SOX5: variants seen among roughly 807,000 people sequenced by gnomAD.
SOX5 encodes the protein SRY-box transcription factor 5, also known as transcription factor SOX-5.
In SOX5, 9 loss-of-function variants were observed where a neutral mutation model predicts 92.0. The ratio of observed to expected loss-of-function variants is 0.10; its 90% confidence interval spans 0.06 to 0.17. SOX5 has a LOEUF of 0.17. Among genes scored for constraint, SOX5 ranks in the 10% least tolerant of loss-of-function variants. SOX5 has a pLI of 1.00. For synonymous variants in SOX5, 344 were observed against 336.3 expected, an observed-to-expected ratio of 1.02 and a Z score of -0.25; for missense variants, 642 against 944.5, an observed-to-expected ratio of 0.68 and a Z score of 4.20.
In SOX5 at chr12:24,017,199, T is replaced by G. The variant is rs992668277; in HGVS notation, c.-1-121175A>C. On this transcript the variant is annotated intron_variant, in intron 4 of 4. Coordinates refer to the SOX5 transcript ENST00000446891. ...AAAGGCACCAACGCATATAAGGTCC[T>G]CTTTATCCCTGTGCATTTCTTTCTC... 2.0e-5 allele frequency among the ~76,000 whole-genome samples: 3 copies of G among 152,322 alleles called. No homozygotes were observed. The East Asian group carries it at 5.8e-4, about 29-fold the overall frequency.
At position 23,530,823 on chromosome 12, in the gene SOX5, G is replaced by GCGCGCGCGCA. The variant is rs1938872189; in HGVS notation, c.*3395_*3396insTGCGCGCGCG. On this transcript the variant is annotated 3_prime_UTR_variant, in exon 15 of 15. Coordinates refer to ENST00000451604, the MANE Select transcript of SOX5 (RefSeq NM_006940.6). ...AGTGTGTGTGTGTGTGTGTGTGCGC[G>GCGCGCGCGCA]CGCGCGCGCGCGCATGTGAGAGAGA... 7.2e-6 allele frequency: 1 copy of GCGCGCGCGCA among 139,254 alleles called. No individual in the cohort carries two copies. The highest frequency in any genetic ancestry group is 7.1e-5 in the Admixed American group (1 of 13,994). 8.6% of individuals were successfully genotyped at this position (139,254 alleles called of 1,614,324 possible).
chr12:23,776,981 C>T (rs923796867), intron 3 of SOX5, among the ~76,000 whole-genome samples: 1 of 152,116 alleles, frequency 6.6e-6, no homozygotes, highest in African/African-American at 2.4e-5. Context: ...TTTTATAGCA[C>T]TTGTCACTAA....
chr12:23,623,037 T>C (rs2077364360), intron 8 of SOX5, among the ~76,000 whole-genome samples: 1 of 152,112 alleles, frequency 6.6e-6, no homozygotes, highest in Non-Finnish European at 1.5e-5. Flanking sequence ...AACAACATGG[T>C]GAAACTTTTA....
chr12:24,172,437 G>A (rs1244869127), intron 4 of SOX5, among the ~76,000 whole-genome samples: 1 of 152,134 alleles, frequency 6.6e-6, no homozygotes, highest in Admixed American at 6.6e-5. Flanking sequence ...TACTCAGGAA[G>A]CTGAGGTGGG....
rs770947368 is a variant in SOX5 at position 23,896,008 on chromosome 12, G to A, written c.55C>T (p.Pro19Ser). The change falls in exon 2 of 15, where the codon CCA becomes TCA. Residue 19 changes from proline to serine, a missense_variant. Physicochemically the swap from Pro to Ser is moderately conservative, Grantham distance 74. Around this residue, in one of 8 missense-constraint regions of SOX5, gnomAD observed 113 missense variants for 117.7 expected, o/e 0.96. Coordinates refer to ENST00000451604, the MANE Select transcript of SOX5 (RefSeq NM_006940.6). ...TCTGCTTCCCCATACGGAGAGGCTG[G>A]TCGCTTGGAAGACATCCTGGAAGGA... ...QEFERMSSKR[P>S]ASPYGEADGE... 6.2e-7 allele frequency: 1 copy of A among 1,613,138 alleles called. No homozygotes were observed. The highest frequency in any genetic ancestry group is 8.5e-7 in the Non-Finnish European group (1 of 1,179,282).
chr12:24,141,078 T>C (rs1950541801), intron 4 of SOX5, among the ~76,000 whole-genome samples: 1 of 152,084 alleles, frequency 6.6e-6, no homozygotes, highest in South Asian at 2.1e-4. Context: ...ATAAAACCAT[T>C]AGAACATTCT....
At chr12:23,598,325 G>C (rs1247007132) in intron 9 of SOX5, among the ~76,000 whole-genome samples, 1 of 151,514 alleles carries the variant, frequency 6.6e-6, no homozygotes, top group East Asian at 1.9e-4. Flanking sequence ...TTGCTGTGGA[G>C]GCCTTAGCAT....
At chr12:24,444,866 T>C (rs1941221346) in intron 1 of SOX5, among the ~76,000 whole-genome samples, 1 of 152,224 alleles carries the variant, frequency 6.6e-6, no homozygotes, top group South Asian at 2.1e-4. Flanking sequence ...CTGCCCATCC[T>C]GCTTCCTGAG....
intron 6 of SOX5, among the ~76,000 whole-genome samples, chr12:23,719,453 A>G (rs2092686598): frequency 1.3e-5 from 2 of 152,112 alleles, no homozygotes; most frequent in Admixed American, 1.3e-4. Flanking sequence ...TCTTTATAAA[A>G]AGGAGCTATT....
chr12:23,981,493 C>A (rs1273373018), intron 4 of SOX5, among the ~76,000 whole-genome samples: 1 of 152,112 alleles, frequency 6.6e-6, no homozygotes, highest in Non-Finnish European at 1.5e-5. Context: ...TTAAGAACTG[C>A]CAGGAATAAT....
In SOX5 at chr12:24,213,031, C is replaced by T. The variant is rs569058709; in HGVS notation, c.-2+312G>A. Reference sequence around the variant, plus strand: ...TTCTTAAAAGTCATTAAGGGAAAGTCATTAAGAAGTTTCACTTCAAAACAG... The same window carrying T: ...TTCTTAAAAGTCATTAAGGGAAAGTTATTAAGAAGTTTCACTTCAAAACAG... On this transcript the variant is annotated intron_variant, in intron 4 of 4. Coordinates refer to the SOX5 transcript ENST00000446891. 1.1e-4 allele frequency among the ~76,000 whole-genome samples: 16 copies of T among 151,966 alleles called. No individual in the cohort carries two copies. In the South Asian group the frequency reaches 3.3e-3, roughly 32 times the overall value.
At chr12:24,223,505 G>C (rs1961036267) in intron 3 of SOX5, among the ~76,000 whole-genome samples, 3 of 152,268 alleles carry the variant, frequency 2.0e-5, no homozygotes, top group Non-Finnish European at 4.4e-5. Flanking sequence ...TGTAATCCCA[G>C]TACTTTGTGA....
intron 4 of SOX5, among the ~76,000 whole-genome samples, chr12:24,104,136 G>A (rs947765302): frequency 2.0e-5 from 3 of 152,088 alleles, no homozygotes; most frequent in Non-Finnish European, 4.4e-5. Context: ...GTTATTGGTT[G>A]GCTCATTGTG....
intron 4 of SOX5, among the ~76,000 whole-genome samples, chr12:24,141,331 T>C (rs1004794656): frequency 1.9e-4 from 29 of 152,120 alleles, no homozygotes; most frequent in African/African-American, 6.5e-4. Context: ...CAGTAAGAAG[T>C]TTTAAGGGAA....
At chr12:24,077,577 T>C (rs781681230) in intron 4 of SOX5, among the ~76,000 whole-genome samples, 6 of 151,652 alleles carry the variant, frequency 4.0e-5, no homozygotes, top group African/African-American at 1.2e-4. Flanking sequence ...AGTGCCAAGA[T>C]AGAAATTTCA....
At chr12:24,391,709 G>A (rs1411973259) in intron 1 of SOX5, among the ~76,000 whole-genome samples, 3 of 152,108 alleles carry the variant, frequency 2.0e-5, no homozygotes, top group Non-Finnish European at 4.4e-5. Flanking sequence ...TGCATTATTA[G>A]ATCTTTGAGA....
intron 2 of SOX5, among the ~76,000 whole-genome samples, chr12:24,311,799 T>C (rs1195255054): frequency 6.6e-5 from 10 of 152,192 alleles, no homozygotes; most frequent in Admixed American, 6.5e-4. Flanking sequence ...CTTCCTTCAG[T>C]CATGAAGTGT....
chr12:24,016,919 C>A (rs1166755760), intron 4 of SOX5, among the ~76,000 whole-genome samples: 1 of 152,132 alleles, frequency 6.6e-6, no homozygotes, highest in Non-Finnish European at 1.5e-5. Context: ...CTCACCAAAA[C>A]CACTTTACTT....
At chr12:24,426,486 CTAAG>C (rs1316483657) in intron 1 of SOX5, among the ~76,000 whole-genome samples, 2 of 152,204 alleles carry the variant, frequency 1.3e-5, no homozygotes, top group African/African-American at 2.4e-5. Context: ...TAATTATACA[CTAAG>C]TATCAGACAA....
Sources: gnomAD v4.1 joint callset for allele counts (sites outside exome capture counted in the v4.1 genomes callset) on GRCh38, gnomAD v4.1.1 for gene constraint, gnomAD v4.1.1 regional missense constraint, MANE v1.5 for transcripts, NCBI Gene and HGNC (gene_info 2026-07-23, HGNC 2026-07-21) for gene names.